Variants in FHIT observed in about 807,000 individuals in gnomAD.
FHIT encodes fragile histidine triad diadenosine triphosphatase, also known as bis(5'-adenosyl)-triphosphatase.
FHIT carries 19 observed loss-of-function variants against 17.9 expected under a neutral mutation model. The observed-to-expected ratio is 1.06, with a 90% CI of 0.74 to 1.56. The LOEUF (loss-of-function observed/expected upper bound fraction) is 1.56, where lower values mean the gene tolerates loss of function less well. FHIT is among the 40% of genes most tolerant of loss of function. The pLI is 0.00. For missense variants in FHIT, 248 were observed against 189.2 expected, an observed-to-expected ratio of 1.31 and a Z score of -1.82; for synonymous variants, 81 against 69.7, an observed-to-expected ratio of 1.16 and a Z score of -0.81.
chr3:59,873,239 A>G (rs1021310389), intron 8 of FHIT, among the ~76,000 whole-genome samples: 1 of 152,096 alleles, frequency 6.6e-6, no homozygotes, highest in Non-Finnish European at 1.5e-5. Context: ...GCTTACCTCC[A>G]CATTCAAATC....
intron 3 of FHIT, among the ~76,000 whole-genome samples, chr3:60,890,929 T>C (rs1705483566): frequency 6.6e-6 from 1 of 152,194 alleles, no homozygotes; most frequent in African/African-American, 2.4e-5. Flanking sequence ...TGGGTAAAGA[T>C]ATTTGACTCC....
At chr3:60,598,393 G>A (rs1394322818) in intron 4 of FHIT, among the ~76,000 whole-genome samples, 2 of 152,080 alleles carry the variant, frequency 1.3e-5, no homozygotes, top group African/African-American at 2.4e-5. Context: ...CTCACAAGGA[G>A]TATTAATTTT....
intron 5 of FHIT, among the ~76,000 whole-genome samples, chr3:60,525,080 G>T (rs1215973574): frequency 1.3e-5 from 2 of 152,182 alleles, no homozygotes; most frequent in African/African-American, 4.8e-5. Flanking sequence ...TTAGTTAGAA[G>T]AAGGTAGGAA....
At chr3:60,621,883 A>T (rs2107754409) in intron 4 of FHIT, among the ~76,000 whole-genome samples, 1 of 152,256 alleles carries the variant, frequency 6.6e-6, no homozygotes, top group African/African-American at 2.4e-5. Context: ...AAAAAAAAAA[A>T]AAATACAATT....
intron 7 of FHIT, among the ~76,000 whole-genome samples, chr3:59,931,257 A>G (rs1294820569): frequency 6.6e-6 from 1 of 152,144 alleles, no homozygotes; most frequent in Non-Finnish European, 1.5e-5. Flanking sequence ...AATGTATTCT[A>G]CTTCATCCAG....
intron 5 of FHIT, among the ~76,000 whole-genome samples, chr3:60,213,065 G>T (rs1703530782): frequency 6.6e-6 from 1 of 152,098 alleles, no homozygotes; most frequent in South Asian, 2.1e-4. Context: ...TAGCTTCATT[G>T]GTTTATTGCG....
intron 3 of FHIT, among the ~76,000 whole-genome samples, chr3:60,883,830 T>C (rs1187620838): frequency 6.6e-6 from 1 of 151,902 alleles, no homozygotes; most frequent in Non-Finnish European, 1.5e-5. Flanking sequence ...AGACCTCAAA[T>C]ATAAAGGCAA....
chr3:61,246,315 T>C (rs527821714), intron 1 of FHIT, among the ~76,000 whole-genome samples: 1 of 152,302 alleles, frequency 6.6e-6, no homozygotes, highest in Admixed American at 6.5e-5. Flanking sequence ...TTGCCCTGAA[T>C]TCTTTCTTGC....
At chr3:60,567,818 AAAG>A (rs1302764387) in intron 4 of FHIT, among the ~76,000 whole-genome samples, 1 of 152,240 alleles carries the variant, frequency 6.6e-6, no homozygotes, top group South Asian at 2.1e-4. Context: ...ACACTTCTCA[AAAG>A]AAGACATTTA....
chr3:61,236,149 C>T lies in FHIT; in HGVS notation c.-213+15152G>A, dbSNP rs189595577. 1.0e-3 allele frequency among the ~76,000 whole-genome samples: 149 copies of T among 147,598 alleles called. 1 individual carries two copies. Among genetic ancestry groups the T allele is most frequent in the African/African-American group, 3.2e-3 (130 of 40,522 alleles). ...AGTATGTAACAATATACTATATTTA[C>T]TATATGTATTATAACATATACTATA... On this transcript the variant is annotated intron_variant, in intron 1 of 9. Transcript: ENST00000492590.
chr3:60,636,503 A>G (rs575942782), intron 4 of FHIT, among the ~76,000 whole-genome samples: 19 of 152,332 alleles, frequency 1.2e-4, no homozygotes, highest in African/African-American at 3.6e-4. Flanking sequence ...GATGGACACA[A>G]TGATCAAGAG....
chr3:61,006,539 G>GA (rs1205620665), intron 3 of FHIT, among the ~76,000 whole-genome samples: 4 of 147,538 alleles, frequency 2.7e-5, no homozygotes, highest in Non-Finnish European at 1.5e-5. Flanking sequence ...TTTCCTTTCT[G>GA]AAAAAAAAGT....
At chr3:60,098,493 T>G (rs1335666926) in intron 5 of FHIT, among the ~76,000 whole-genome samples, 1 of 152,078 alleles carries the variant, frequency 6.6e-6, no homozygotes, top group South Asian at 2.1e-4. Context: ...TTCATGTGTT[T>G]TTTGGCTGCA....
chr3:59,788,930 A>G (rs891153769), intron 8 of FHIT, among the ~76,000 whole-genome samples: 3 of 131,690 alleles, frequency 2.3e-5, no homozygotes, highest in Admixed American at 8.9e-5. Context: ...TTGCAGATCA[A>G]TGCCTGAGAC....
chr3:60,323,434 G>C (rs1179620692), intron 5 of FHIT, among the ~76,000 whole-genome samples: 1 of 152,180 alleles, frequency 6.6e-6, no homozygotes, highest in African/African-American at 2.4e-5. Context: ...CGGTTAGAGA[G>C]ATCTCAGTGA....
At chr3:59,798,047 G>A (rs1043002741) in intron 8 of FHIT, among the ~76,000 whole-genome samples, 8 of 152,048 alleles carry the variant, frequency 5.3e-5, no homozygotes, top group African/African-American at 1.9e-4. Flanking sequence ...TTTGTGTTTT[G>A]GTGATTTCCT....
intron 3 of FHIT, among the ~76,000 whole-genome samples, chr3:60,895,867 G>A (rs9843764): frequency 0.018 from 2,759 of 151,020 alleles, 73 homozygotes; most frequent in African/African-American, 0.062. Flanking sequence ...AAATGTTCCA[G>A]GCTTTTCTTG....
In FHIT at chr3:60,258,102, C is replaced by CA. The variant is rs1559767638; in HGVS notation, c.104-243951_104-243950insT. 8.7e-3 allele frequency among the ~76,000 whole-genome samples: 747 copies of CA among 85,498 alleles called. 7 individuals carry two copies. The highest frequency in any genetic ancestry group is 0.028 in the African/African-American group (704 of 25,358). The allele number at this position is 85,498 out of a possible 152,430, so 56.1% of individuals were successfully genotyped here. ...CACACACACACACACACACACACACCTCTGCAGATTTTGTACACACTCCAT... is the reference window on the plus strand; with the variant it reads ...CACACACACACACACACACACACACCATCTGCAGATTTTGTACACACTCCAT... On this transcript the variant is annotated intron_variant, in intron 5 of 9. Coordinates refer to ENST00000492590, the MANE Select transcript of FHIT (RefSeq NM_002012.4).
intron 4 of FHIT, among the ~76,000 whole-genome samples, chr3:60,543,103 T>G (rs941651727): frequency 6.6e-6 from 1 of 151,718 alleles, no homozygotes; most frequent in African/African-American, 2.4e-5. Flanking sequence ...TTTTGCACAT[T>G]TTTTTTTTCT....
Sources: gnomAD v4.1 joint callset for allele counts (sites outside exome capture counted in the v4.1 genomes callset) on GRCh38, gnomAD v4.1.1 for gene constraint, MANE v1.5 for transcripts, NCBI Gene and HGNC (gene_info 2026-07-23, HGNC 2026-07-21) for gene names.